SHTN1: variants seen among roughly 807,000 people sequenced by gnomAD.
The protein encoded by SHTN1 is shootin-1.
A neutral mutation model predicts 83.1 loss-of-function variants in SHTN1; 42 were observed. That is an observed-to-expected ratio of 0.51 (90% CI 0.39 to 0.65). The LOEUF (loss-of-function observed/expected upper bound fraction) is 0.65. Ranked by LOEUF, SHTN1 falls within the 30% of genes least tolerant of loss-of-function variation. SHTN1 has a pLI of 0.00. For missense variants in SHTN1, 622 were observed against 737.8 expected (o/e 0.84, Z 1.82); for synonymous variants, 224 against 247.7 (o/e 0.90, Z 0.90).
chr10:116,923,674 G>C (rs1271339413), intron 11 of SHTN1, among the ~76,000 whole-genome samples: 1 of 151,906 alleles, frequency 6.6e-6, no homozygotes, highest in East Asian at 1.9e-4. Context: ...TACTGCCTCA[G>C]CCTTTGGAGT....
chr10:116,956,079 G>A (rs1430972467), intron 4 of SHTN1, among the ~76,000 whole-genome samples: 3 of 152,108 alleles, frequency 2.0e-5, no homozygotes, highest in African/African-American at 7.2e-5. Flanking sequence ...ATCAATTTAA[G>A]GAAAAAGTGA....
intron 16 of SHTN1, among the ~76,000 whole-genome samples, chr10:116,891,920 A>C (rs1847353171): frequency 6.6e-6 from 1 of 151,934 alleles, no homozygotes; most frequent in Non-Finnish European, 1.5e-5. Flanking sequence ...AGAACGTATT[A>C]AGTTTGTCAA....
intron 1 of SHTN1, among the ~76,000 whole-genome samples, chr10:117,082,534 T>C (rs1429402816): frequency 6.6e-6 from 1 of 152,034 alleles, no homozygotes; most frequent in East Asian, 1.9e-4. Flanking sequence ...TGGAGAGTTC[T>C]GTAGATGTCT....
intron 2 of SHTN1, among the ~76,000 whole-genome samples, chr10:117,025,969 A>T (rs1230634130): frequency 1.3e-5 from 2 of 152,256 alleles, no homozygotes; most frequent in African/African-American, 4.8e-5. Flanking sequence ...CTGGCTTCAG[A>T]TGAAACTCAG....
intron 4 of SHTN1, among the ~76,000 whole-genome samples, chr10:116,958,614 C>G (rs547832547): frequency 6.6e-6 from 1 of 152,148 alleles, no homozygotes; most frequent in Non-Finnish European, 1.5e-5. Flanking sequence ...ATGAAGCCAA[C>G]CATGGTCCAT....
At chr10:117,053,700 T>C (rs1467160214) in intron 1 of SHTN1, among the ~76,000 whole-genome samples, 1 of 152,198 alleles carries the variant, frequency 6.6e-6, no homozygotes, top group East Asian at 1.9e-4. Flanking sequence ...AGTTTGGTAG[T>C]TCCTTTAAAA....
intron 9 of SHTN1, among the ~76,000 whole-genome samples, chr10:116,938,333 C>T (rs1190871044): frequency 6.6e-6 from 1 of 152,026 alleles, no homozygotes; most frequent in Non-Finnish European, 1.5e-5. Context: ...TGTTGGTAAC[C>T]TTTGGATGGG....
At chr10:116,890,164 AATTT>A (rs1196765806) in intron 16 of SHTN1, among the ~76,000 whole-genome samples, 2 of 2,398 alleles carry the variant, frequency 8.3e-4, no homozygotes, top group Non-Finnish European at 4.2e-3. Context: ...CATTCTGTTC[AATTT>A]TTTTTTCTAC....
At chr10:117,077,521 A>C (rs1853178614) in intron 1 of SHTN1, among the ~76,000 whole-genome samples, 1 of 152,084 alleles carries the variant, frequency 6.6e-6, no homozygotes, top group Non-Finnish European at 1.5e-5. Flanking sequence ...GTACATGTGC[A>C]CAACGTGCAG....
intron 1 of SHTN1, among the ~76,000 whole-genome samples, chr10:117,071,730 T>A (rs2133603526): frequency 6.6e-6 from 1 of 152,130 alleles, no homozygotes; most frequent in African/African-American, 2.4e-5. Flanking sequence ...AGAAAACTGT[T>A]GGAGTTATCT....
At chr10:116,914,066 T>TG (rs1589801797) in intron 13 of SHTN1, among the ~76,000 whole-genome samples, 1 of 152,360 alleles carries the variant, frequency 6.6e-6, no homozygotes, top group East Asian at 1.9e-4. Flanking sequence ...AATTTACTCT[T>TG]GGAGTTGAGT....
chr10:117,024,140 T>A (rs1348407012), intron 2 of SHTN1, among the ~76,000 whole-genome samples: 3 of 152,062 alleles, frequency 2.0e-5, no homozygotes, highest in African/African-American at 7.2e-5. Context: ...GGAAGCGGCC[T>A]TACACAAGAG....
intron 5 of SHTN1, among the ~76,000 whole-genome samples, chr10:116,953,755 G>A (rs568105227): frequency 2.7e-5 from 4 of 148,512 alleles, no homozygotes; most frequent in African/African-American, 4.9e-5. Context: ...AGCCTCCCAA[G>A]TAGCTGGGAT....
At chr10:117,119,185 G>C (rs1280784172) in intron 1 of SHTN1, among the ~76,000 whole-genome samples, 6 of 152,128 alleles carry the variant, frequency 3.9e-5, no homozygotes, top group African/African-American at 1.4e-4. Flanking sequence ...AGGATAGGGG[G>C]AGGGAAGGAT....
chr10:116,902,998 CG>C (rs978616756), intron 15 of SHTN1, among the ~76,000 whole-genome samples: 1 of 152,092 alleles, frequency 6.6e-6, no homozygotes, highest in Non-Finnish European at 1.5e-5. Flanking sequence ...AGTATAATAG[CG>C]TAACATATCA....
intron 2 of SHTN1, among the ~76,000 whole-genome samples, chr10:117,036,732 A>G (rs1367761242): frequency 4.6e-5 from 7 of 152,236 alleles, no homozygotes; most frequent in African/African-American, 1.7e-4. Flanking sequence ...CAGGGCTACT[A>G]GAGTCAATAA....
intron 9 of SHTN1, among the ~76,000 whole-genome samples, chr10:116,935,241 C>T (rs1192590090): frequency 2.0e-5 from 3 of 152,178 alleles, no homozygotes; most frequent in Non-Finnish European, 4.4e-5. Flanking sequence ...TTGTCATGTG[C>T]CAGTTTTCAA....
intron 2 of SHTN1, among the ~76,000 whole-genome samples, chr10:117,017,752 A>T (rs1418077674): frequency 6.6e-6 from 1 of 152,186 alleles, no homozygotes; most frequent in African/African-American, 2.4e-5. Flanking sequence ...GGAAGAAGGA[A>T]AAATAGCAAC....
At chr10:116,920,033 G>A (rs1254411241) in intron 12 of SHTN1, among the ~76,000 whole-genome samples, 1 of 152,148 alleles carries the variant, frequency 6.6e-6, no homozygotes, top group Non-Finnish European at 1.5e-5. Context: ...GGGGAGAGAG[G>A]TGGAAATAAC....
Sources: allele counts gnomAD v4.1 joint callset (sites outside exome capture counted in the v4.1 genomes callset), GRCh38; gene constraint gnomAD v4.1.1; transcripts MANE v1.5; gene names NCBI Gene and HGNC (gene_info 2026-07-23, HGNC 2026-07-21).